Variants in TPD52L1 observed in about 807,000 individuals in gnomAD.
TPD52L1 encodes the protein TPD52 like 1.
TPD52L1 carries 18 observed loss-of-function variants against 28.7 expected under a neutral mutation model. The ratio of observed to expected loss-of-function variants is 0.63; its 90% CI spans 0.43 to 0.93. The LOEUF (loss-of-function observed/expected upper bound fraction) is 0.93, where lower values mean the gene tolerates loss of function less well. Among genes scored for constraint, TPD52L1 ranks in the 40% least tolerant of loss-of-function variants. The probability of loss-of-function intolerance (pLI) is 0.00; values close to 1 mark genes in which losing one functional copy is unlikely to be tolerated. For synonymous variants in TPD52L1, 75 were observed against 88.8 expected (o/e 0.84, Z 0.88); for missense variants, 203 against 254.8 (o/e 0.80, Z 1.39).
At chr6:125,256,872 T>G (rs1392673141) in intron 5 of TPD52L1, among the ~76,000 whole-genome samples, 1 of 152,276 alleles carries the variant, frequency 6.6e-6, no homozygotes, top group Non-Finnish European at 1.5e-5. Flanking sequence ...TTTACTGTAT[T>G]GTGTACTGAT....
chr6:125,230,055 C>G (rs1453199790), intron 3 of TPD52L1, among the ~76,000 whole-genome samples: 1 of 152,076 alleles, frequency 6.6e-6, no homozygotes, highest in African/African-American at 2.4e-5. Flanking sequence ...CCACTCCACT[C>G]CAGCCTGGCG....
chr6:125,188,407 A>G (rs1390381371), intron 1 of TPD52L1, among the ~76,000 whole-genome samples: 2 of 152,102 alleles, frequency 1.3e-5, no homozygotes, highest in Non-Finnish European at 2.9e-5. Flanking sequence ...AAAAGAGGGA[A>G]TAGATTGGTA....
intron 5 of TPD52L1, among the ~76,000 whole-genome samples, chr6:125,254,664 A>C (rs2115053366): frequency 6.6e-6 from 1 of 152,318 alleles, no homozygotes; most frequent in South Asian, 2.1e-4. Flanking sequence ...TACTTTCAAT[A>C]GTTTGAGACC....
chr6:125,155,310 A>C (rs1353795415), intron 1 of TPD52L1, among the ~76,000 whole-genome samples: 3 of 152,260 alleles, frequency 2.0e-5, no homozygotes, highest in Non-Finnish European at 4.4e-5. Flanking sequence ...GAGAGTCTTC[A>C]TTACTGGCCT....
intron 3 of TPD52L1, among the ~76,000 whole-genome samples, chr6:125,247,469 T>A (rs1030693638): frequency 6.6e-6 from 1 of 152,166 alleles, no homozygotes; most frequent in Non-Finnish European, 1.5e-5. Context: ...TCACTTACCA[T>A]CTCCTGTTGA....
intron 3 of TPD52L1, among the ~76,000 whole-genome samples, chr6:125,238,110 A>G (rs1796385340): frequency 6.6e-6 from 1 of 152,206 alleles, no homozygotes; most frequent in Non-Finnish European, 1.5e-5. Flanking sequence ...TTTTGTTCTT[A>G]AGGCCAAGAC....
chr6:125,215,358 C>T (rs1794792030), intron 1 of TPD52L1, among the ~76,000 whole-genome samples: 1 of 152,156 alleles, frequency 6.6e-6, no homozygotes, highest in South Asian at 2.1e-4. Flanking sequence ...TTGCTGCTTT[C>T]CTAACTCAGT....
intron 1 of TPD52L1, among the ~76,000 whole-genome samples, chr6:125,179,901 G>A (rs113747308): frequency 6.6e-6 from 1 of 152,298 alleles, no homozygotes; most frequent in African/African-American, 2.4e-5. Flanking sequence ...AAATTCAGGA[G>A]TGGTTTTTTA....
At chr6:125,244,330 G>A (rs1455424556) in intron 3 of TPD52L1, among the ~76,000 whole-genome samples, 1 of 152,176 alleles carries the variant, frequency 6.6e-6, no homozygotes, top group Non-Finnish European at 1.5e-5. Flanking sequence ...GCTAAGGCAG[G>A]TGGGTAGATG....
intron 2 of TPD52L1, among the ~76,000 whole-genome samples, chr6:125,224,485 C>CTCTG (rs929820764): frequency 2.0e-5 from 3 of 152,128 alleles, no homozygotes; most frequent in African/African-American, 7.2e-5. Context: ...CTCTCTCTCT[C>CTCTG]TCTCTCTCTC....
chr6:125,159,131 T>C (rs577451407), intron 1 of TPD52L1, among the ~76,000 whole-genome samples: 2 of 152,320 alleles, frequency 1.3e-5, no homozygotes, highest in South Asian at 4.1e-4. Context: ...TCACATAGAT[T>C]GACTATTCCT....
intron 3 of TPD52L1, among the ~76,000 whole-genome samples, chr6:125,241,346 G>A (rs1405492863): frequency 2.6e-5 from 4 of 151,980 alleles, no homozygotes; most frequent in African/African-American, 9.7e-5. Context: ...AGAATGATCT[G>A]GGAGGATTTC....
At chr6:125,260,977 A>AAAGAAAG (rs1554219432) in intron 6 of TPD52L1, 6 of 43,810 alleles carry the variant, frequency 1.4e-4, no homozygotes, top group Non-Finnish European at 2.2e-4. Flanking sequence ...AGAAAGAAAG[A>AAAGAAAG]AAAGAAAAGA....
chr6:125,259,560 G>T (rs1430524860), intron 6 of TPD52L1, among the ~76,000 whole-genome samples: 3 of 152,184 alleles, frequency 2.0e-5, no homozygotes, highest in Admixed American at 2.0e-4. Context: ...ACGAACTCCT[G>T]TGAAGCCACT....
intron 1 of TPD52L1, among the ~76,000 whole-genome samples, chr6:125,174,713 A>G (rs939018273): frequency 1.3e-5 from 2 of 152,334 alleles, no homozygotes; most frequent in African/African-American, 4.8e-5. Context: ...CTTTCAAAAT[A>G]ACTTAGTAGA....
At position 125,257,980 on chromosome 6, in the gene TPD52L1, G is replaced by A. The variant is rs3799726; in HGVS notation, c.486+822G>A. ...ATAACTGGGAAAATTAAGAATATAC[G>A]TGATCTTTAACCAGATCAAAAACCT... On this transcript the variant is annotated intron_variant, in intron 6 of 6. Transcript: ENST00000534000. Among the ~76,000 whole-genome samples the A allele has an allele frequency of 5.8e-3, 878 of 152,166 alleles. 26 individuals are homozygous for A. In the East Asian group the frequency reaches 0.086, roughly 15 times the overall value.
chr6:125,195,030 A>G (rs1030252351), intron 1 of TPD52L1, among the ~76,000 whole-genome samples: 2 of 152,208 alleles, frequency 1.3e-5, no homozygotes, highest in Non-Finnish European at 2.9e-5. Flanking sequence ...TAGCAGGATT[A>G]CAACATTTTT....
intron 1 of TPD52L1, among the ~76,000 whole-genome samples, chr6:125,190,712 A>T (rs1792978341): frequency 6.6e-6 from 1 of 152,114 alleles, no homozygotes; most frequent in Non-Finnish European, 1.5e-5. Flanking sequence ...AGATTTTCAT[A>T]GGGAGTGAAC....
chr6:125,194,046 A>G lies in TPD52L1; in HGVS notation c.20-26032A>G, dbSNP rs533953926. Among the ~76,000 whole-genome samples the G allele has an allele frequency of 1.9e-3, 274 of 144,806 alleles. 1 individual carries two copies. Among genetic ancestry groups the G allele is most frequent in the African/African-American group, 6.6e-3 (265 of 39,984 alleles). 95.0% of individuals were successfully genotyped at this position (144,806 alleles called of 152,430 possible). A position where few individuals can be genotyped will look rare whatever the true frequency, so the allele number is the denominator to read the frequency against. ...TAGTTTTTTTTTTTTTTTTTTTTCT[A>G]AAAAAACAAAAGGCTGATAAAAGGA... is the stretch of plus-strand genomic sequence containing the variant. On this transcript the variant is annotated intron_variant, in intron 1 of 6. Transcript: ENST00000534000.
Sources: gnomAD v4.1 joint callset for allele counts (sites outside exome capture counted in the v4.1 genomes callset) on GRCh38, gnomAD v4.1.1 for gene constraint, MANE v1.5 for transcripts, NCBI Gene and HGNC (gene_info 2026-07-23, HGNC 2026-07-21) for gene names.